The following ALKBH1 variants were observed in gnomAD, a reference collection of about 807,000 sequenced individuals.
The protein encoded by ALKBH1 is alkB homolog 1, histone H2A dioxygenase.
A neutral mutation model predicts 36.6 loss-of-function variants in ALKBH1; 31 were observed. The ratio of observed to expected loss-of-function variants is 0.85; its 90% CI spans 0.64 to 1.14. ALKBH1 has a LOEUF of 1.14. Ranked by LOEUF, ALKBH1 falls within the 50% of genes most tolerant of loss-of-function variation. ALKBH1 has a pLI of 0.00. For missense variants in ALKBH1, 490 were observed against 497.3 expected (o/e 0.99, Z 0.14); for synonymous variants, 183 against 186.6 (o/e 0.98, Z 0.16).
At chr14:77,680,184 T>A (rs1348088135) in intron 3 of ALKBH1, among the ~76,000 whole-genome samples, 1 of 152,018 alleles carries the variant, frequency 6.6e-6, no homozygotes, top group East Asian at 1.9e-4. Context: ...TTGTTCTAAA[T>A]CCTCTGCTGA....
chr14:77,696,271 C>G (rs1335953845), intron 2 of ALKBH1, among the ~76,000 whole-genome samples: 3 of 152,008 alleles, frequency 2.0e-5, no homozygotes, highest in Non-Finnish European at 4.4e-5. Flanking sequence ...TCTCTGCAAC[C>G]TCTGCCTCCC....
At chr14:77,684,581 G>A (rs1011778014) in intron 3 of ALKBH1, among the ~76,000 whole-genome samples, 9 of 152,000 alleles carry the variant, frequency 5.9e-5, no homozygotes, top group Admixed American at 1.3e-4. Flanking sequence ...GGCTGGTTTC[G>A]AATTCTGGAC....
chr14:77,706,914 C>T lies in ALKBH1; in HGVS notation c.183+908G>A, dbSNP rs574482439. ...GTTAGGAAGCTTGGAAAGAATGCCT[C>T]ATCTAGACATCTGTGGACAACACCA... On this transcript the variant is annotated intron_variant, in intron 1 of 5. Coordinates refer to ENST00000216489, the MANE Select transcript of ALKBH1 (RefSeq NM_006020.3). Among the ~76,000 whole-genome samples the T allele has an allele frequency of 4.0e-4, 61 of 152,288 alleles. No individual in the cohort carries two copies. In the South Asian group the frequency reaches 0.013, roughly 32 times the overall value.
At chr14:77,702,668 G>C (rs2080365782) in intron 2 of ALKBH1, among the ~76,000 whole-genome samples, 1 of 151,982 alleles carries the variant, frequency 6.6e-6, no homozygotes, top group Non-Finnish European at 1.5e-5. Context: ...CTCTGTAAAA[G>C]CAGCTACCTA....
At chr14:77,692,640 C>G (rs754555234) in intron 3 of ALKBH1, among the ~76,000 whole-genome samples, 2 of 152,008 alleles carry the variant, frequency 1.3e-5, no homozygotes, top group African/African-American at 4.8e-5. Flanking sequence ...AAACCTTTAC[C>G]ATCTGGCCCA....
chr14:77,682,179 TAAC>T (rs2080241651), intron 3 of ALKBH1, among the ~76,000 whole-genome samples: 1 of 152,148 alleles, frequency 6.6e-6, no homozygotes, highest in Admixed American at 6.5e-5. Flanking sequence ...ACAATATGGA[TAAC>T]AACCACACAT....
chr14:77,688,988 C>T (rs565249493), intron 3 of ALKBH1, among the ~76,000 whole-genome samples: 3 of 152,342 alleles, frequency 2.0e-5, no homozygotes, highest in African/African-American at 4.8e-5. Flanking sequence ...TAAATACCCA[C>T]TGTTAATAGG....
At chr14:77,705,102 A>G (rs2139868368) in intron 1 of ALKBH1, among the ~76,000 whole-genome samples, 1 of 152,312 alleles carries the variant, frequency 6.6e-6, no homozygotes, top group Non-Finnish European at 1.5e-5. Flanking sequence ...AGGAACACCA[A>G]GCTGGACAGG....
chr14:77,695,742 A>T (rs1181029110), intron 2 of ALKBH1, among the ~76,000 whole-genome samples: 1 of 152,176 alleles, frequency 6.6e-6, no homozygotes, highest in African/African-American at 2.4e-5. Context: ...CAATTACAGC[A>T]TGTGTGTTAA....
Position 77,706,046 on chromosome 14 carries a change from C to T in ALKBH1, c.184-1569G>A, listed in dbSNP as rs139803862. ...CTTCAGCCTGGGTGACACAGTGAGA[C>T]GCTGTCTCAGTAAAAAAAAGTATAT... is the stretch of plus-strand genomic sequence containing the variant. On this transcript the variant is annotated intron_variant, in intron 1 of 5. Transcript: ENST00000216489. Among the ~76,000 whole-genome samples the T allele has an allele frequency of 7.4e-3, 1,122 of 151,852 alleles. 13 individuals carry two copies. The highest frequency in any genetic ancestry group is 0.024 in the South Asian group (115 of 4,810).
chr14:77,696,222 C>T (rs975843657), intron 2 of ALKBH1, among the ~76,000 whole-genome samples: 7 of 152,090 alleles, frequency 4.6e-5, no homozygotes. Context: ...TCTCTCTCAT[C>T]CTGTTGCCCA....
chr14:77,677,806 C>T (rs2080213995), intron 4 of ALKBH1, among the ~76,000 whole-genome samples: 1 of 152,122 alleles, frequency 6.6e-6, no homozygotes, highest in Non-Finnish European at 1.5e-5. Context: ...AAGTTTTCCT[C>T]TATCATTTTA....
At chr14:77,700,329 G>A (rs2080352635) in intron 2 of ALKBH1, among the ~76,000 whole-genome samples, 1 of 152,118 alleles carries the variant, frequency 6.6e-6, no homozygotes, top group Non-Finnish European at 1.5e-5. Flanking sequence ...GATATTCAAT[G>A]TGGACAGGTT....
At chr14:77,695,985 A>C (rs1453315707) in intron 2 of ALKBH1, among the ~76,000 whole-genome samples, 1 of 152,016 alleles carries the variant, frequency 6.6e-6, no homozygotes, top group Non-Finnish European at 1.5e-5. Flanking sequence ...CCAGCTACTC[A>C]GGAGGCTGAG....
At chr14:77,687,838 T>C (rs2080276596) in intron 3 of ALKBH1, among the ~76,000 whole-genome samples, 1 of 152,166 alleles carries the variant, frequency 6.6e-6, no homozygotes. Flanking sequence ...GAAAGAAAAG[T>C]GAAAAGAAGA....
chr14:77,684,819 A>G (rs1280387816), intron 3 of ALKBH1, among the ~76,000 whole-genome samples: 1 of 152,208 alleles, frequency 6.6e-6, no homozygotes, highest in Non-Finnish European at 1.5e-5. Flanking sequence ...AAGTATCGGT[A>G]CTACAGACAT....
intron 3 of ALKBH1, among the ~76,000 whole-genome samples, chr14:77,694,508 C>G (rs999081549): frequency 1.3e-5 from 2 of 152,196 alleles, no homozygotes; most frequent in Admixed American, 1.3e-4. Flanking sequence ...ATTATCTAAG[C>G]TATGATAAGC....
intron 3 of ALKBH1, among the ~76,000 whole-genome samples, chr14:77,689,773 T>G (rs371588989): frequency 6.6e-6 from 1 of 152,004 alleles, no homozygotes; most frequent in African/African-American, 2.4e-5. Context: ...TACATAAAAA[T>G]AGAGTATTTC....
At position 77,704,378 on chromosome 14, in the gene ALKBH1, C is replaced by G. The variant is rs1566818506; in HGVS notation, c.283G>C (p.Gly95Arg). 6.2e-7 allele frequency: 1 copy of G among 1,613,444 alleles called. No homozygotes were observed. The highest frequency in any genetic ancestry group is 8.5e-7 in the Non-Finnish European group (1 of 1,179,380). Residue 95 changes from glycine (G) to arginine (R), a missense_variant, in exon 2 of 6, where the codon GGC (glycine) becomes CGC (arginine). Physicochemically the swap from Gly to Arg is moderately radical, Grantham distance 125 (BLOSUM62 -2). Coordinates refer to ENST00000216489, the MANE Select transcript of ALKBH1 (RefSeq NM_006020.3). ...VSKWQAYGLK[G>R]YPGFIFIPNP... is the part of the protein sequence containing the mutation. ...GGTCAGTTACACTCACCAGGATAGC[C>G]TTTGAGTCCATAGGCTTGCCACTTG...
Sources: gnomAD v4.1 joint callset for allele counts (sites outside exome capture counted in the v4.1 genomes callset) on GRCh38, gnomAD v4.1.1 for gene constraint, MANE v1.5 for transcripts, NCBI Gene and HGNC (gene_info 2026-07-23, HGNC 2026-07-21) for gene names.